Variants in LPP observed in about 807,000 individuals in gnomAD.
LPP encodes the protein LIM domain containing preferred translocation partner in lipoma, also known as lipoma-preferred partner.
A neutral mutation model predicts 60.4 loss-of-function variants in LPP; 38 were observed. The observed-to-expected ratio is 0.63, with a 90% CI of 0.49 to 0.83. LPP has a LOEUF of 0.83. Ranked by LOEUF, LPP falls within the 40% of genes least tolerant of loss-of-function variation. LPP has a pLI of 0.00. For missense variants in LPP, 902 were observed against 783.6 expected, an observed-to-expected ratio of 1.15 and a Z score of -1.80; for synonymous variants, 328 against 290.8, an observed-to-expected ratio of 1.13 and a Z score of -1.30.
intron 2 of LPP, among the ~76,000 whole-genome samples, chr3:188,298,813 C>T (rs145663747): frequency 1.3e-5 from 2 of 152,276 alleles, no homozygotes; most frequent in African/African-American, 4.8e-5. Context: ...CTACCCCAGG[C>T]CCATTCCCAT....
intron 6 of LPP, among the ~76,000 whole-genome samples, chr3:188,575,322 A>C (rs1441019637): frequency 6.6e-6 from 1 of 152,108 alleles, no homozygotes; most frequent in Non-Finnish European, 1.5e-5. Flanking sequence ...CTGAATGTCT[A>C]GGTTTAGGGA....
intron 2 of LPP, among the ~76,000 whole-genome samples, chr3:188,279,315 C>A (rs1741112326): frequency 6.6e-6 from 1 of 152,214 alleles, no homozygotes; most frequent in Admixed American, 6.5e-5. Context: ...CTCAGACTCA[C>A]CCTCTATAAA....
At chr3:188,653,379 G>T (rs1329698896) in intron 7 of LPP, among the ~76,000 whole-genome samples, 1 of 151,676 alleles carries the variant, frequency 6.6e-6, no homozygotes. Context: ...TTTCTATTTT[G>T]GGTTCAGAAA....
chr3:188,378,763 C>T (rs1190015358), intron 3 of LPP, among the ~76,000 whole-genome samples: 8 of 152,192 alleles, frequency 5.3e-5, no homozygotes, highest in Admixed American at 5.2e-4. Context: ...GAACCCGGTA[C>T]CTCAGTTGGA....
intron 9 of LPP, among the ~76,000 whole-genome samples, chr3:188,791,279 T>C (rs1289725190): frequency 1.3e-5 from 2 of 152,216 alleles, no homozygotes; most frequent in Non-Finnish European, 2.9e-5. Flanking sequence ...TTTCTCTTAC[T>C]GCTAAATAGC....
chr3:188,787,210 T>C (rs6775393), intron 9 of LPP, among the ~76,000 whole-genome samples: 97,051 of 151,896 alleles, frequency 0.64, 31,425 homozygotes, highest in East Asian at 0.9. Context: ...GGTATTATTG[T>C]TGGGGGAAAC....
Position 188,210,882 on chromosome 3 carries a change from C to T in LPP, c.-189-14523C>T, listed in dbSNP as rs560461339. On this transcript the variant is annotated intron_variant, in intron 1 of 11. Coordinates refer to ENST00000617246, the MANE Select transcript of LPP (RefSeq NM_001375462.1). ...TGCTCTCCAGACCTAATTTTGACGT[C>T]CCACGCCCACCCGCTGAGGAGGGTT... Among the ~76,000 whole-genome samples the T allele has an allele frequency of 5.9e-5, 9 of 152,226 alleles. No homozygotes were observed. The South Asian group carries it at 1.9e-3, about 32-fold the overall frequency.
intron 9 of LPP, among the ~76,000 whole-genome samples, chr3:188,864,030 T>C (rs1765960751): frequency 8.5e-6 from 1 of 118,250 alleles, no homozygotes; most frequent in Admixed American, 7.6e-5. Flanking sequence ...TCCAGCCACA[T>C]TAGCTCACAT....
intron 6 of LPP, among the ~76,000 whole-genome samples, chr3:188,563,725 T>TTG (rs1831376373): frequency 1.7e-5 from 2 of 116,986 alleles, no homozygotes; most frequent in Non-Finnish European, 3.7e-5. Flanking sequence ...TGTGTTTTTT[T>TTG]TTGTTTTTTT....
chr3:188,334,556 G>A (rs1359071972), intron 2 of LPP, among the ~76,000 whole-genome samples: 3 of 149,052 alleles, frequency 2.0e-5, no homozygotes, highest in African/African-American at 5.0e-5. Flanking sequence ...TCAGCCTCCC[G>A]AGTAGCTGGG....
chr3:188,341,738 C>G lies in LPP; in HGVS notation c.-10+19C>G, dbSNP rs1040257863. The stretch of plus-strand genomic sequence containing the variant: ...ATCTGAGGTAAGAGAGGAGGCGTGT[C>G]TTCTTGTTTATGAAATACTAATAGG... On this transcript the variant is annotated intron_variant, in intron 3 of 11. Coordinates refer to ENST00000617246, the MANE Select transcript of LPP (RefSeq NM_001375462.1). The G allele has an allele frequency of 2.0e-5, 19 of 973,686 alleles. No individual in the cohort carries two copies. The highest frequency in any genetic ancestry group is 2.2e-5 in the Non-Finnish European group (18 of 819,456). 60.3% of individuals were successfully genotyped at this position (973,686 alleles called of 1,614,324 possible). A position where few individuals can be genotyped will look rare whatever the true frequency, so the allele number is the denominator to read the frequency against.
At chr3:188,817,907 C>G (rs1041194321) in intron 9 of LPP, among the ~76,000 whole-genome samples, 1 of 152,140 alleles carries the variant, frequency 6.6e-6, no homozygotes, top group African/African-American at 2.4e-5. Flanking sequence ...TTCTTCCACA[C>G]GATTATTATC....
chr3:188,207,982 C>A (rs573392130), intron 1 of LPP, among the ~76,000 whole-genome samples: 2 of 152,198 alleles, frequency 1.3e-5, no homozygotes, highest in South Asian at 4.1e-4. Context: ...GCTGTAACAT[C>A]CCTGGGGATT....
At chr3:188,434,418 C>G (rs1376515445) in intron 4 of LPP, among the ~76,000 whole-genome samples, 1 of 151,844 alleles carries the variant, frequency 6.6e-6, no homozygotes, top group Non-Finnish European at 1.5e-5. Flanking sequence ...ATTGTATGAC[C>G]CTAATGAGTT....
intron 9 of LPP, among the ~76,000 whole-genome samples, chr3:188,825,356 C>G (rs1408241433): frequency 6.8e-6 from 1 of 147,478 alleles, no homozygotes; most frequent in Non-Finnish European, 1.5e-5. Context: ...GCTGTCACAG[C>G]ACAGAAGTTC....
At chr3:188,441,875 C>T (rs560954828) in intron 4 of LPP, among the ~76,000 whole-genome samples, 344 of 151,852 alleles carry the variant, frequency 2.3e-3, no homozygotes, top group Middle Eastern at 6.8e-3. Context: ...CCGCCCACCT[C>T]GGCCTCCCAA....
intron 2 of LPP, among the ~76,000 whole-genome samples, chr3:188,316,270 C>A (rs1263075416): frequency 6.6e-6 from 1 of 152,098 alleles, no homozygotes; most frequent in Non-Finnish European, 1.5e-5. Flanking sequence ...AAGAGTGAAA[C>A]TCTGTCTCAA....
At chr3:188,668,204 C>G (rs1856215222) in intron 7 of LPP, among the ~76,000 whole-genome samples, 1 of 151,346 alleles carries the variant, frequency 6.6e-6, no homozygotes, top group African/African-American at 2.4e-5. Flanking sequence ...TCTGTTCTTC[C>G]AAATGTAGAT....
At chr3:188,632,726 A>G (rs1848060829) in intron 7 of LPP, among the ~76,000 whole-genome samples, 1 of 152,172 alleles carries the variant, frequency 6.6e-6, no homozygotes, top group Admixed American at 6.5e-5. Context: ...CTAAGACTCT[A>G]CGTTTCAATA....
Sources: allele counts gnomAD v4.1 joint callset (sites outside exome capture counted in the v4.1 genomes callset), GRCh38; gene constraint gnomAD v4.1.1; transcripts MANE v1.5; gene names NCBI Gene and HGNC (gene_info 2026-07-23, HGNC 2026-07-21).